REDIC1: variants seen among roughly 807,000 people sequenced by gnomAD.
REDIC1 encodes regulator of DNA class I crossover intermediates 1.
chr12:39,852,986 C>G, the REDIC1 span, among the ~76,000 whole-genome samples: 8 of 152,190 alleles, frequency 5.3e-5, no homozygotes, highest in South Asian at 6.2e-4. Flanking sequence ...TCTTGAGTCG[C>G]TTGCTTGAGT....
the REDIC1 span, among the ~76,000 whole-genome samples, chr12:39,893,418 G>A: frequency 6.6e-6 from 1 of 152,186 alleles, no homozygotes; most frequent in Admixed American, 6.5e-5. Context: ...TCCTGCCTCA[G>A]CCTCCCGACT....
the REDIC1 span, among the ~76,000 whole-genome samples, chr12:39,850,642 T>C: frequency 6.6e-6 from 1 of 152,224 alleles, no homozygotes; most frequent in African/African-American, 2.4e-5. Flanking sequence ...TTTATTGATA[T>C]TTACTTATGT....
chr12:39,658,451 C>T, the REDIC1 span, among the ~76,000 whole-genome samples: 110,712 of 152,106 alleles, frequency 0.73, 41,975 homozygotes, highest in Non-Finnish European at 0.84. Flanking sequence ...TTAGAAATTT[C>T]GTATTTGGTT....
At chr12:39,772,129 T>C in the REDIC1 span, among the ~76,000 whole-genome samples, 1 of 152,158 alleles carries the variant, frequency 6.6e-6, no homozygotes, top group Non-Finnish European at 1.5e-5. Flanking sequence ...TATATTAATA[T>C]ACTCCTTCTT....
chr12:39,702,857 A>G, the REDIC1 span, among the ~76,000 whole-genome samples: 1 of 152,240 alleles, frequency 6.6e-6, no homozygotes, highest in East Asian at 1.9e-4. Context: ...CAATAGATGC[A>G]GAAAAGTCCT....
At chr12:39,713,151 G>A in the REDIC1 span, among the ~76,000 whole-genome samples, 1,186 of 146,766 alleles carry the variant, frequency 8.1e-3, 40 homozygotes, top group African/African-American at 0.028. Flanking sequence ...GTAGATATGT[G>A]CATATACACA....
chr12:39,830,582 A>G, the REDIC1 span: 3 of 649,966 alleles, frequency 4.6e-6, no homozygotes, highest in Non-Finnish European at 5.8e-6. Context: ...ATTGTGATCC[A>G]GCCCTGACTG....
chr12:39,647,531 A>G, the REDIC1 span, among the ~76,000 whole-genome samples: 6 of 152,024 alleles, frequency 3.9e-5, no homozygotes, highest in South Asian at 4.1e-4. Flanking sequence ...TTTAGAAGGT[A>G]GCCTACAGGA....
chr12:39,798,206 C>T, the REDIC1 span, among the ~76,000 whole-genome samples: 1 of 152,204 alleles, frequency 6.6e-6, no homozygotes, highest in Non-Finnish European at 1.5e-5. Context: ...CACGAGGAAG[C>T]CACCTTGGAA....
chr12:39,893,497 A>G, the REDIC1 span, among the ~76,000 whole-genome samples: 1 of 152,132 alleles, frequency 6.6e-6, no homozygotes, highest in African/African-American at 2.4e-5. Context: ...ACGAGGTTTC[A>G]CCATGTTGGC....
At chr12:39,690,320 G>A in the REDIC1 span, among the ~76,000 whole-genome samples, 1 of 152,092 alleles carries the variant, frequency 6.6e-6, no homozygotes, top group African/African-American at 2.4e-5. Context: ...AGTATTAGAG[G>A]AGTATAATTA....
the REDIC1 span, among the ~76,000 whole-genome samples, chr12:39,633,479 AT>A: frequency 2.6e-5 from 4 of 151,326 alleles, no homozygotes; most frequent in Non-Finnish European, 5.9e-5. Flanking sequence ...AAAATTAACT[AT>A]TTTTTTTTAA....
chr12:39,776,539 G>A, the REDIC1 span, among the ~76,000 whole-genome samples: 1 of 152,320 alleles, frequency 6.6e-6, no homozygotes, highest in Middle Eastern at 3.4e-3. Flanking sequence ...AGGATAGAGT[G>A]ACACAGAAGT....
the REDIC1 span, chr12:39,683,117 A>T: frequency 4.4e-6 from 7 of 1,604,088 alleles, no homozygotes; most frequent in African/African-American, 9.4e-5. Flanking sequence ...AACGATTACT[A>T]CCCAAGCAGC....
the REDIC1 span, chr12:39,646,404 T>C: frequency 1.3e-6 from 2 of 1,485,960 alleles, no homozygotes; most frequent in Non-Finnish European, 9.0e-7. Flanking sequence ...AATTTAGAAC[T>C]TACAATGTCG....
At chr12:39,642,492 C>T in the REDIC1 span, among the ~76,000 whole-genome samples, 286 of 151,738 alleles carry the variant, frequency 1.9e-3, no homozygotes, top group Middle Eastern at 6.8e-3. Context: ...TTGATACCAT[C>T]CCCAATCACA....
At chr12:39,712,456 A>ATG in the REDIC1 span, among the ~76,000 whole-genome samples, 9 of 9,698 alleles carry the variant, frequency 9.3e-4, no homozygotes, top group Admixed American at 2.6e-3. Flanking sequence ...ATACATACGT[A>ATG]TATATACGTA....
chr12:39,774,123 T>C, the REDIC1 span, among the ~76,000 whole-genome samples: 2 of 152,212 alleles, frequency 1.3e-5, no homozygotes, highest in African/African-American at 4.8e-5. Context: ...AAATTTATGA[T>C]ATAATTACAC....
chr12:39,732,984 T>C, the REDIC1 span, among the ~76,000 whole-genome samples: 1 of 151,700 alleles, frequency 6.6e-6, no homozygotes. Flanking sequence ...AAATTGGAGG[T>C]GATACTTCAA....
Sources: allele counts gnomAD v4.1 joint callset (sites outside exome capture counted in the v4.1 genomes callset), GRCh38; gene constraint gnomAD v4.1.1; transcripts MANE v1.5; gene names NCBI Gene and HGNC (gene_info 2026-07-23, HGNC 2026-07-21).